The following MRTFB variants were observed in gnomAD, a reference collection of about 807,000 sequenced individuals.
The protein encoded by MRTFB is myocardin-related transcription factor B.
MRTFB carries 29 observed loss-of-function variants against 104.2 expected under a neutral mutation model. The observed-to-expected ratio is 0.28, with a 90% CI of 0.21 to 0.38. The LOEUF (loss-of-function observed/expected upper bound fraction) is 0.38. MRTFB is among the 10% of genes least tolerant of loss of function. MRTFB has a pLI of 1.00. For synonymous variants in MRTFB, 535 were observed against 519.5 expected, an observed-to-expected ratio of 1.03 and a Z score of -0.41; for missense variants, 1,270 against 1,341.6, an observed-to-expected ratio of 0.95 and a Z score of 0.83.
chr16:14,042,551 G>A, the MRTFB span, among the ~76,000 whole-genome samples: 41 of 152,204 alleles, frequency 2.7e-4, no homozygotes, highest in African/African-American at 8.9e-4. Flanking sequence ...ATGGTTCTGG[G>A]AAGTTAAATC....
the MRTFB span, among the ~76,000 whole-genome samples, chr16:14,065,629 G>T: frequency 2.1e-3 from 313 of 152,102 alleles, 1 homozygote; most frequent in African/African-American, 7.1e-3. Context: ...CCTGTAGTCC[G>T]AGCTACTCAG....
intron 2 of MRTFB, among the ~76,000 whole-genome samples, chr16:14,133,320 A>G (rs190049410): frequency 6.6e-6 from 1 of 152,314 alleles, no homozygotes; most frequent in African/African-American, 2.4e-5. Context: ...TCCTCTTTAA[A>G]CTTAGTTTTT....
chr16:14,116,602 G>C (rs1269669361), intron 2 of MRTFB, among the ~76,000 whole-genome samples: 2 of 151,342 alleles, frequency 1.3e-5, no homozygotes, highest in African/African-American at 4.9e-5. Flanking sequence ...TCTAAATAAT[G>C]CCTACCAGAT....
intron 2 of MRTFB, among the ~76,000 whole-genome samples, chr16:14,099,482 C>T (rs1427553418): frequency 6.9e-6 from 1 of 144,984 alleles, no homozygotes; most frequent in East Asian, 2.1e-4. Flanking sequence ...CTCAAGTGGT[C>T]CTCCTAAGAA....
chr16:14,127,900 AAT>A lies in MRTFB; in HGVS notation c.-63-12615_-63-12614del, dbSNP rs1194977108. On this transcript the variant is annotated intron_variant, in intron 2 of 16. Transcript: ENST00000571589. ...CCAGGGTGTAATTTTAGCAAAACTG[AAT>A]ATATATATATATATATATATATATA... 3.6e-3 allele frequency among the ~76,000 whole-genome samples: 178 copies of A among 49,488 alleles called. 1 individual carries two copies. Among genetic ancestry groups the A allele is most frequent in the East Asian group, 8.5e-3 (21 of 2,458 alleles). The allele number at this position is 49,488 out of a possible 152,430, so 32.5% of individuals were successfully genotyped here.
chr16:14,072,554 G>A (rs937023769), intron 1 of MRTFB, among the ~76,000 whole-genome samples: 4 of 152,138 alleles, frequency 2.6e-5, no homozygotes, highest in African/African-American at 4.8e-5. Context: ...GTGTGGTGGC[G>A]CACACCTGTA....
At position 14,249,163 on chromosome 16, in the gene MRTFB, C is replaced by T. The variant is rs940543671; in HGVS notation, c.2403+82C>T. On this transcript the variant is annotated intron_variant, in intron 13 of 16. Transcript: ENST00000571589. ...TCCATTCAACAAGCATCTTTGTAAA[C>T]GCCCTGGGAAGTTCCTGTTCATTCT... 6.7e-5 allele frequency: 99 copies of T among 1,479,246 alleles called. No individual in the cohort carries two copies. The Admixed American group carries it at 6.8e-4, about 10-fold the overall frequency. 91.6% of individuals were successfully genotyped at this position (1,479,246 alleles called of 1,614,324 possible).
upstream of MRTFB, among the ~76,000 whole-genome samples, chr16:14,069,256 C>T (rs2086347731): frequency 6.6e-6 from 1 of 152,164 alleles, no homozygotes; most frequent in African/African-American, 2.4e-5. Context: ...CAGGCATGAG[C>T]CACTGCGCCC....
chr16:14,008,956 T>TTATTTATTTATTTATTTATTTATTTA, the MRTFB span, among the ~76,000 whole-genome samples: 2 of 151,864 alleles, frequency 1.3e-5, no homozygotes, highest in Admixed American at 6.6e-5. Flanking sequence ...ATTTATTTAT[T>TTATTTATTTATTTATTTATTTATTTA]TTCATTTAGA....
At chr16:14,038,138 T>C in the MRTFB span, among the ~76,000 whole-genome samples, 2 of 152,164 alleles carry the variant, frequency 1.3e-5, no homozygotes, top group East Asian at 3.9e-4. Flanking sequence ...AGGGTTGGTT[T>C]CTTCTGAGGC....
At chr16:14,201,919 A>G (rs183412668) in intron 3 of MRTFB, among the ~76,000 whole-genome samples, 6 of 152,290 alleles carry the variant, frequency 3.9e-5, no homozygotes, top group African/African-American at 9.6e-5. Flanking sequence ...TCTACAAACT[A>G]TTGTAGGCAT....
intron 3 of MRTFB, among the ~76,000 whole-genome samples, chr16:14,194,942 C>A (rs760991147): frequency 2.6e-5 from 4 of 152,074 alleles, no homozygotes; most frequent in Non-Finnish European, 5.9e-5. Flanking sequence ...ACGCACTTGG[C>A]CATCCTTCCC....
chr16:14,018,742 T>A, the MRTFB span: 1 of 152,084 alleles, frequency 6.6e-6, no homozygotes, highest in South Asian at 2.1e-4. Flanking sequence ...TTCAAAGTCA[T>A]CATATCCCTT....
At chr16:14,175,791 A>G (rs1390106984) in intron 3 of MRTFB, among the ~76,000 whole-genome samples, 1 of 152,168 alleles carries the variant, frequency 6.6e-6, no homozygotes, top group Non-Finnish European at 1.5e-5. Context: ...GAAAGGAACC[A>G]ACCACCGATG....
chr16:14,106,094 G>C (rs148666235), intron 2 of MRTFB, among the ~76,000 whole-genome samples: 171 of 152,330 alleles, frequency 1.1e-3, no homozygotes, highest in African/African-American at 3.9e-3. Context: ...CTGTACACTT[G>C]TGTGTGTGGT....
At chr16:14,080,402 A>G (rs1381696441) in intron 2 of MRTFB, among the ~76,000 whole-genome samples, 1 of 152,168 alleles carries the variant, frequency 6.6e-6, no homozygotes, top group East Asian at 1.9e-4. Flanking sequence ...TGTGTACCAC[A>G]TGTTTTGAAG....
chr16:14,028,206 C>CAACAA, the MRTFB span, among the ~76,000 whole-genome samples: 724 of 151,314 alleles, frequency 4.8e-3, 4 homozygotes, highest in African/African-American at 0.016. Flanking sequence ...AAACACAACA[C>CAACAA]AACAAAACAA....
rs138842900 is a variant in MRTFB, at chr16:14,198,363, A to G, written c.155-11880A>G. 2.6e-5 allele frequency among the ~76,000 whole-genome samples: 4 copies of G among 152,340 alleles called. No individual in the cohort carries two copies. In the East Asian group the frequency reaches 7.7e-4, roughly 29 times the overall value. On this transcript the variant is annotated intron_variant, in intron 3 of 16. Coordinates refer to ENST00000571589, the MANE Select transcript of MRTFB (RefSeq NM_001308142.2). Reference sequence around the variant, plus strand: ...CTAGGAGTAGAATTGCTGGGCTGCAATTGTTATAAACTAAAATTATATTCA... The same window carrying G: ...CTAGGAGTAGAATTGCTGGGCTGCAGTTGTTATAAACTAAAATTATATTCA...
chr16:14,126,880 A>G (rs1712555117), intron 2 of MRTFB, among the ~76,000 whole-genome samples: 1 of 152,240 alleles, frequency 6.6e-6, no homozygotes, highest in Non-Finnish European at 1.5e-5. Context: ...GGGGCTAAAT[A>G]CTATGATAGT....
Sources: gnomAD v4.1 joint callset for allele counts (sites outside exome capture counted in the v4.1 genomes callset) on GRCh38, gnomAD v4.1.1 for gene constraint, MANE v1.5 for transcripts, NCBI Gene and HGNC (gene_info 2026-07-23, HGNC 2026-07-21) for gene names.